The following TENM4 variants were observed in gnomAD, a reference collection of about 807,000 sequenced individuals.
TENM4 encodes the protein teneurin-4.
In TENM4, 82 loss-of-function variants were observed where a neutral mutation model predicts 243.3. The observed-to-expected ratio is 0.34, with a 90% CI of 0.28 to 0.40. TENM4 has a LOEUF of 0.40. Among genes scored for constraint, TENM4 ranks in the 10% least tolerant of loss-of-function variants. The probability of loss-of-function intolerance (pLI) is 1.00; values close to 1 mark genes in which losing one functional copy is unlikely to be tolerated. For missense variants in TENM4, 3,138 were observed against 3,673.3 expected (o/e 0.85, Z 3.77); for synonymous variants, 1,412 against 1,456.3 (o/e 0.97, Z 0.69).
intron 6 of TENM4, among the ~76,000 whole-genome samples, chr11:78,913,055 A>G (rs1430500623): frequency 6.6e-6 from 1 of 152,190 alleles, no homozygotes; most frequent in Non-Finnish European, 1.5e-5. Flanking sequence ...ATCTAAGACT[A>G]TATCATTCTG....
chr11:78,662,836 CTTTCATTTAGA>C (rs1357712557), intron 32 of TENM4, among the ~76,000 whole-genome samples: 1 of 152,184 alleles, frequency 6.6e-6, no homozygotes, highest in East Asian at 1.9e-4. Context: ...AGGCGGAAGC[CTTTCATTTAGA>C]CAGGCTGACA....
chr11:78,676,225 A>G lies in TENM4; in HGVS notation c.5423T>C (p.Leu1808Pro). Residue 1808 changes from leucine (L) to proline (P), a missense_variant, in exon 30 of 34, where the codon CTC becomes CCC. Leu to Pro is a moderately conservative substitution (Grantham distance 98). Around this residue, in one of 2 missense-constraint regions of TENM4, gnomAD observed 2,467 missense variants for 3,059.1 expected, o/e 0.81. Coordinates refer to ENST00000278550, the MANE Select transcript of TENM4 (RefSeq NM_001098816.3). ...GCGCTGGCGCCACTCCACCAGGTTG[A>G]GGCCGTTGTCGATGGGCAGCGTGAC... ...RNVTLPIDNG[L>P]NLVEWRQRKE... 1 of 1,601,664 alleles carries G rather than the reference A, an allele frequency of 6.2e-7. No homozygotes were observed. The highest frequency in any genetic ancestry group is 8.5e-7 in the Non-Finnish European group (1 of 1,173,248).
At chr11:78,899,799 C>G (rs1855888385) in intron 7 of TENM4, among the ~76,000 whole-genome samples, 1 of 152,198 alleles carries the variant, frequency 6.6e-6, no homozygotes, top group African/African-American at 2.4e-5. Flanking sequence ...ACTGGCTCCC[C>G]TTTACTTTCT....
intron 6 of TENM4, among the ~76,000 whole-genome samples, chr11:79,053,234 CA>C (rs1859847409): frequency 6.6e-6 from 1 of 152,134 alleles, no homozygotes; most frequent in Non-Finnish European, 1.5e-5. Flanking sequence ...GTTAGTTATT[CA>C]GGGCAAATGC....
At chr11:78,884,970 C>T (rs550169063) in intron 9 of TENM4, among the ~76,000 whole-genome samples, 3 of 151,390 alleles carry the variant, frequency 2.0e-5, no homozygotes, top group African/African-American at 7.2e-5. Context: ...AACAGAAGGG[C>T]ACGTGGACAG....
intron 9 of TENM4, among the ~76,000 whole-genome samples, chr11:78,872,788 C>G (rs1173439570): frequency 6.6e-6 from 1 of 152,158 alleles, no homozygotes; most frequent in African/African-American, 2.4e-5. Context: ...TAGAGCAACC[C>G]TCCAGTCTTC....
intron 7 of TENM4, among the ~76,000 whole-genome samples, chr11:78,896,902 T>C (rs533175405): frequency 6.6e-6 from 1 of 152,230 alleles, no homozygotes; most frequent in East Asian, 1.9e-4. Flanking sequence ...ACTACCTACA[T>C]GCGCAGAAGA....
chr11:78,960,488 G>A (rs751384150), intron 6 of TENM4, among the ~76,000 whole-genome samples: 1 of 152,088 alleles, frequency 6.6e-6, no homozygotes, highest in African/African-American at 2.4e-5. Flanking sequence ...TCACCACATG[G>A]CCTTCCATAC....
Position 78,657,671 on chromosome 11 carries a change from A to C in TENM4, c.*387T>G. 1 of 385,672 alleles carries C rather than the reference A, an allele frequency of 2.6e-6. No individual in the cohort carries two copies. Among genetic ancestry groups the C allele is most frequent in the Non-Finnish European group, 4.9e-6 (1 of 205,664 alleles). The allele number at this position is 385,672 out of a possible 1,614,324, so 23.9% of individuals were successfully genotyped here. ...AGAAGAAAGGGTTGCACATGAGACA[A>C]GTTAGCACAGACATTCATGTCCCAC... is the stretch of plus-strand genomic sequence containing the variant. On this transcript the variant is annotated 3_prime_UTR_variant, in exon 34 of 34. Transcript: ENST00000278550.
rs1307235393 is a variant in TENM4 at position 78,903,472 on chromosome 11, G to A, written c.545C>T (p.Pro182Leu). The A allele has an allele frequency of 7.1e-6, 11 of 1,543,056 alleles. No homozygotes were observed. Among genetic ancestry groups the A allele is most frequent in the Non-Finnish European group, 9.6e-6 (11 of 1,144,248 alleles). The change falls in exon 7 of 34, where the codon CCG becomes CTG. Residue 182 changes from proline to leucine, a missense_variant. By Grantham distance (98) the Pro-to-Leu change is moderately conservative. This residue lies in a region of TENM4 where 671 missense variants were observed against 614.1 expected (regional missense o/e 1.09). Coordinates refer to ENST00000278550, the MANE Select transcript of TENM4 (RefSeq NM_001098816.3). ...NHARLRTPPP[P>L]LSHAHTPNQH... ...GTTGGGGGTGTGGGCGTGCGAGAGC[G>A]GCGGCGGCGGCGTCCGGAGCCGCGC...
intron 1 of TENM4, among the ~76,000 whole-genome samples, chr11:79,421,386 T>A (rs1047418409): frequency 6.6e-6 from 1 of 152,248 alleles, no homozygotes; most frequent in African/African-American, 2.4e-5. Flanking sequence ...TTTAACAGAA[T>A]GTGATATCGC....
chr11:79,412,301 C>T (rs1184989641), intron 1 of TENM4, among the ~76,000 whole-genome samples: 1 of 152,230 alleles, frequency 6.6e-6, no homozygotes, highest in East Asian at 1.9e-4. Flanking sequence ...TGGCCAGCTC[C>T]CTCATGATGG....
At chr11:78,940,010 A>G (rs7127049) in intron 6 of TENM4, among the ~76,000 whole-genome samples, 12,886 of 152,184 alleles carry the variant, frequency 0.085, 583 homozygotes, top group Middle Eastern at 0.16. Context: ...AGTACAAAGG[A>G]AAAAAATGTA....
At chr11:79,131,831 A>G (rs561523021) in intron 4 of TENM4, among the ~76,000 whole-genome samples, 1 of 152,218 alleles carries the variant, frequency 6.6e-6, no homozygotes, top group Admixed American at 6.5e-5. Context: ...TTTAAAGTAA[A>G]GGGGTGGGAA....
chr11:78,664,218 G>A (rs527715670), intron 32 of TENM4, among the ~76,000 whole-genome samples: 15 of 152,296 alleles, frequency 9.8e-5, no homozygotes, highest in African/African-American at 2.9e-4. Flanking sequence ...GGCAGTTATC[G>A]CGTGGCAGGA....
At chr11:78,731,874 C>T (rs1414298150) in intron 21 of TENM4, among the ~76,000 whole-genome samples, 12 of 152,200 alleles carry the variant, frequency 7.9e-5, no homozygotes, top group Admixed American at 7.9e-4. Flanking sequence ...TGCTAAGCAT[C>T]TCATATACAT....
intron 4 of TENM4, among the ~76,000 whole-genome samples, chr11:79,138,448 A>G (rs1862164179): frequency 1.7e-5 from 2 of 116,246 alleles, no homozygotes; most frequent in African/African-American, 3.5e-5. Flanking sequence ...TATTATATTT[A>G]TATATAATAT....
Position 79,440,113 on chromosome 11 carries a change from G to T in TENM4, c.-321+396C>A, listed in dbSNP as rs1859368844. On this transcript the variant is annotated intron_variant, in intron 1 of 33. Transcript: ENST00000278550. This position sits in a 1 kb window ranked among gnomAD's most constrained non-coding sequence, Gnocchi z 4.7. The stretch of plus-strand genomic sequence containing the variant: ...CTCCTCCAGCGCCCGACGGGGGCCT[G>T]GGGCGAGCTAGTCTGCAGAGGGGCT... 6.6e-6 allele frequency among the ~76,000 whole-genome samples: 1 copy of T among 152,110 alleles called. No homozygotes were observed. The highest frequency in any genetic ancestry group is 2.1e-4 in the South Asian group (1 of 4,834).
chr11:78,803,954 T>G (rs1178346878), intron 15 of TENM4, among the ~76,000 whole-genome samples: 1 of 152,266 alleles, frequency 6.6e-6, no homozygotes, highest in Non-Finnish European at 1.5e-5. Flanking sequence ...CAATTTAGAC[T>G]GTGTATTGAA....
Sources: gnomAD v4.1 joint callset for allele counts (sites outside exome capture counted in the v4.1 genomes callset) on GRCh38, gnomAD v4.1.1 for gene constraint, gnomAD v4.1.1 regional missense constraint, Gnocchi (gnomAD v3.1) non-coding constraint, MANE v1.5 for transcripts, NCBI Gene and HGNC (gene_info 2026-07-23, HGNC 2026-07-21) for gene names.